ZNF609: variants seen among roughly 807,000 people sequenced by gnomAD.
The protein encoded by ZNF609 is zinc finger protein 609.
In ZNF609, 11 loss-of-function variants were observed where a neutral mutation model predicts 109.5. The ratio of observed to expected loss-of-function variants is 0.10; its 90% CI spans 0.06 to 0.17. ZNF609 has a LOEUF of 0.17. Ranked by LOEUF, ZNF609 falls within the 10% of genes least tolerant of loss-of-function variation. The probability of loss-of-function intolerance (pLI) is 1.00; values close to 1 mark genes in which losing one functional copy is unlikely to be tolerated. For missense variants in ZNF609, 1,559 were observed against 1,772.4 expected (o/e 0.88, Z 2.16); for synonymous variants, 646 against 662.0 (o/e 0.98, Z 0.37).
chr15:64,483,110 CCT>C (rs1443928919), intron 1 of ZNF609, among the ~76,000 whole-genome samples: 1 of 150,924 alleles, frequency 6.6e-6, no homozygotes, highest in Non-Finnish European at 1.5e-5. Flanking sequence ...TTTTTTTCCC[CCT>C]GAGATGGAGT....
intron 2 of ZNF609, among the ~76,000 whole-genome samples, chr15:64,612,154 C>CA (rs1329443593): frequency 2.8e-5 from 4 of 142,942 alleles, no homozygotes; most frequent in Non-Finnish European, 6.2e-5. Context: ...TATATAGCTT[C>CA]TTTTTTTTTT....
rs1006437040 is a variant in ZNF609 at position 64,598,786 on chromosome 15, A to G, written c.748-24041A>G. Among the ~76,000 whole-genome samples, 92 of 102,134 alleles carry G rather than the reference A, an allele frequency of 9.0e-4. 1 individual carries two copies. Among genetic ancestry groups the G allele is most frequent in the Admixed American group, 1.2e-3 (11 of 9,054 alleles). 67.0% of individuals were successfully genotyped at this position (102,134 alleles called of 152,430 possible). A position where few individuals can be genotyped will look rare whatever the true frequency, so the allele number is the denominator to read the frequency against. ...TATATATATATATATATATATATATATCCTGTTATCTTCTTGATACAAATC... is the reference window on the plus strand; with the variant it reads ...TATATATATATATATATATATATATGTCCTGTTATCTTCTTGATACAAATC... On this transcript the variant is annotated intron_variant, in intron 2 of 9. Coordinates refer to ENST00000326648, the MANE Select transcript of ZNF609 (RefSeq NM_015042.2).
intron 1 of ZNF609, among the ~76,000 whole-genome samples, chr15:64,496,309 G>T (rs981313854): frequency 6.6e-6 from 1 of 152,142 alleles, no homozygotes; most frequent in Non-Finnish European, 1.5e-5. Flanking sequence ...CTAGAGGAAG[G>T]TCTTTTGAAA....
At chr15:64,644,193 A>G (rs1304870572) in intron 3 of ZNF609, among the ~76,000 whole-genome samples, 1 of 152,144 alleles carries the variant, frequency 6.6e-6, no homozygotes, top group Non-Finnish European at 1.5e-5. Context: ...TTTTAAAAAG[A>G]GGAAAAGAAT....
chr15:64,682,786 T>A lies in ZNF609; in HGVS notation c.*1100T>A, dbSNP rs1477608825. ...TCTTCCTCATTTGAGGCCACAGATA[T>A]ATACAGCCCAATTCCTCTGTCTACA... On this transcript the variant is annotated 3_prime_UTR_variant, in exon 10 of 10. Coordinates refer to ENST00000326648, the MANE Select transcript of ZNF609 (RefSeq NM_015042.2). The A allele has an allele frequency of 6.6e-6, 1 of 152,398 alleles. No individual in the cohort carries two copies. Among genetic ancestry groups the A allele is most frequent in the Non-Finnish European group, 1.5e-5 (1 of 68,038 alleles). The allele number at this position is 152,398 out of a possible 1,614,324, so 9.4% of individuals were successfully genotyped here.
intron 2 of ZNF609, among the ~76,000 whole-genome samples, chr15:64,593,903 C>T (rs542517144): frequency 2.6e-5 from 4 of 152,186 alleles, no homozygotes; most frequent in East Asian, 1.9e-4. Flanking sequence ...TTTGCTGTCT[C>T]GCCATATTAA....
intron 2 of ZNF609, among the ~76,000 whole-genome samples, chr15:64,592,536 C>A (rs895527290): frequency 6.6e-6 from 1 of 152,128 alleles, no homozygotes; most frequent in African/African-American, 2.4e-5. Context: ...TGGGATCTCG[C>A]CACTACACCC....
chr15:64,592,563 G>A (rs1895318320), intron 2 of ZNF609, among the ~76,000 whole-genome samples: 1 of 152,008 alleles, frequency 6.6e-6, no homozygotes, highest in African/African-American at 2.4e-5. Flanking sequence ...GCATGACAGA[G>A]TGAGACTGTC....
chr15:64,653,529 C>A (rs901538428), intron 3 of ZNF609, among the ~76,000 whole-genome samples: 1 of 152,124 alleles, frequency 6.6e-6, no homozygotes, highest in African/African-American at 2.4e-5. Flanking sequence ...GCCTGTAGTC[C>A]CAGCTACTTG....
chr15:64,604,992 C>T (rs929577016), intron 2 of ZNF609, among the ~76,000 whole-genome samples: 5 of 152,094 alleles, frequency 3.3e-5, no homozygotes, highest in Admixed American at 6.6e-5. Flanking sequence ...CCACCACGCC[C>T]GGCTAATTTT....
rs762218535 is a variant in ZNF609 at position 64,684,844 on chromosome 15, A to T, written c.*3158A>T. Reference sequence around the variant, plus strand: ...TGCAACTGGGCAGCTAGTTGGCCCCATAATTCTGGGCCTTTGTTGTTTGTT... The same window carrying T: ...TGCAACTGGGCAGCTAGTTGGCCCCTTAATTCTGGGCCTTTGTTGTTTGTT... On this transcript the variant is annotated 3_prime_UTR_variant, in exon 10 of 10. Transcript: ENST00000326648. 3 of 152,610 alleles carry T rather than the reference A, an allele frequency of 2.0e-5. No individual in the cohort carries two copies. The highest frequency in any genetic ancestry group is 1.3e-4 in the Admixed American group (2 of 15,280). 9.5% of individuals were successfully genotyped at this position (152,610 alleles called of 1,614,324 possible).
intron 1 of ZNF609, among the ~76,000 whole-genome samples, chr15:64,473,470 T>C (rs1469857811): frequency 6.6e-6 from 1 of 151,992 alleles, no homozygotes; most frequent in Non-Finnish European, 1.5e-5. Flanking sequence ...GTGCTGGGAT[T>C]ACAGGCATGA....
intron 8 of ZNF609, among the ~76,000 whole-genome samples, 175 bp downstream of exon 8, chr15:64,681,037 A>C (rs528453177): frequency 1.2e-4 from 19 of 152,156 alleles, no homozygotes; most frequent in African/African-American, 4.6e-4. Context: ...GCAGTCATTA[A>C]AGCATATGAT....
chr15:64,567,843 A>G (rs1364577232), intron 2 of ZNF609, among the ~76,000 whole-genome samples: 2 of 151,932 alleles, frequency 1.3e-5, no homozygotes, highest in Admixed American at 6.6e-5. Context: ...TTGTATTTTT[A>G]GTAGAGACGG....
chr15:64,634,782 C>T lies in ZNF609; in HGVS notation c.973+11730C>T, dbSNP rs756463650. Among the ~76,000 whole-genome samples the T allele has an allele frequency of 2.6e-5, 4 of 152,202 alleles. No individual in the cohort carries two copies. In the East Asian group the frequency reaches 7.7e-4, roughly 29 times the overall value. On this transcript the variant is annotated intron_variant, in intron 3 of 9. Transcript: ENST00000326648. The stretch of plus-strand genomic sequence containing the variant: ...GCACAGTCATAAAGAGCCTAGCAGC[C>T]ATTGTCTGACACCACAAATCTTCAT...
intron 1 of ZNF609, among the ~76,000 whole-genome samples, chr15:64,465,162 A>G (rs1340612461): frequency 6.6e-6 from 1 of 152,184 alleles, no homozygotes; most frequent in Non-Finnish European, 1.5e-5. Context: ...GGAAATGGGA[A>G]GGAGAAAATT....
At chr15:64,614,019 G>A (rs1895758888) in intron 2 of ZNF609, among the ~76,000 whole-genome samples, 1 of 151,714 alleles carries the variant, frequency 6.6e-6, no homozygotes, top group Non-Finnish European at 1.5e-5. Context: ...TGCCTCCCAG[G>A]TTCAAGCGAT....
intron 3 of ZNF609, among the ~76,000 whole-genome samples, chr15:64,665,959 C>T (rs1227383492): frequency 6.6e-6 from 1 of 151,416 alleles, no homozygotes; most frequent in African/African-American, 2.4e-5. Context: ...AAACAAATGC[C>T]AGCTACTCAG....
intron 3 of ZNF609, among the ~76,000 whole-genome samples, chr15:64,660,686 T>A (rs1438817760): frequency 6.6e-6 from 1 of 152,180 alleles, no homozygotes; most frequent in Non-Finnish European, 1.5e-5. Flanking sequence ...TTTATTCCAC[T>A]ACAGCCACAC....
Sources: allele counts gnomAD v4.1 joint callset (sites outside exome capture counted in the v4.1 genomes callset), GRCh38; gene constraint gnomAD v4.1.1; transcripts MANE v1.5; gene names NCBI Gene and HGNC (gene_info 2026-07-23, HGNC 2026-07-21).